The following CIB1 variants were observed in gnomAD, a reference collection of about 807,000 sequenced individuals.
The protein encoded by CIB1 is calcium and integrin-binding protein 1.
Under a neutral mutation model 25.0 loss-of-function variants are expected in CIB1, and 19 were observed. That is an observed-to-expected ratio of 0.76 (90% CI 0.53 to 1.12). CIB1 has a LOEUF of 1.12. CIB1 is among the 50% of genes most tolerant of loss of function. The pLI is 0.00. For synonymous variants in CIB1, 104 were observed against 98.5 expected (o/e 1.06, Z -0.33); for missense variants, 236 against 242.6 (o/e 0.97, Z 0.18).
At chr15:90,251,301 T>G in the CIB1 span, among the ~76,000 whole-genome samples, 1 of 146,026 alleles carries the variant, frequency 6.8e-6, no homozygotes, top group African/African-American at 2.5e-5. Context: ...TTTTTTTGTA[T>G]TTTTAGTAGA....
At chr15:90,238,402 A>C (rs1962679862), upstream of CIB1, 1 of 152,216 alleles carries the variant, frequency 6.6e-6, no homozygotes, top group Non-Finnish European at 1.5e-5. Context: ...CATCTTGCAA[A>C]CTAAGCCTCA....
At chr15:90,236,211 T>A (rs1962634141), upstream of CIB1, 1 of 152,186 alleles carries the variant, frequency 6.6e-6, no homozygotes, top group African/African-American at 2.4e-5. Flanking sequence ...GCTAGTTTTG[T>A]ATTTTTAGTA....
chr15:90,230,447 C>A lies in CIB1; in HGVS notation c.*37G>T. On this transcript the variant is annotated 3_prime_UTR_variant, in exon 7 of 7. Coordinates refer to ENST00000328649, the MANE Select transcript of CIB1 (RefSeq NM_006384.4). ...GCCACAGCTCAGCAGTAGAAAGGTT[C>A]TTGGACAGGGTGCCAGGACACACGC... The A allele has an allele frequency of 1.3e-6, 2 of 1,551,116 alleles. No individual in the cohort carries two copies. The highest frequency in any genetic ancestry group is 2.0e-5 in the Admixed American group (1 of 51,004).
chr15:90,234,019 C>G (rs935565633), upstream of CIB1: 19 of 1,044,444 alleles, frequency 1.8e-5, no homozygotes, highest in Non-Finnish European at 2.2e-5. Flanking sequence ...GGCCCGCCCC[C>G]TCCTAAAAGC....
At chr15:90,237,882 G>A (rs1451625841), upstream of CIB1, among the ~76,000 whole-genome samples, 2 of 152,088 alleles carry the variant, frequency 1.3e-5, no homozygotes, top group African/African-American at 4.8e-5. Context: ...AGTCTGGGAG[G>A]CAGACATTGC....
chr15:90,265,734 T>C, the CIB1 span: 1 of 1,613,374 alleles, frequency 6.2e-7, no homozygotes, highest in Non-Finnish European at 8.5e-7. Flanking sequence ...CCTGAGTCTC[T>C]TGCTGGGCGG....
At chr15:90,234,450 G>C (rs897532100), upstream of CIB1, 5 of 152,324 alleles carry the variant, frequency 3.3e-5, no homozygotes, top group African/African-American at 9.6e-5. Flanking sequence ...TTATCATCAG[G>C]CAATCGCTGC....
chr15:90,230,832 T>A, intron 6 of CIB1, 102 bp downstream of exon 6: 1 of 1,079,864 alleles, frequency 9.3e-7, no homozygotes, highest in Non-Finnish European at 1.4e-6. Context: ...GGACTGGGGC[T>A]TTCTCTCACC....
chr15:90,252,312 C>T, the CIB1 span, among the ~76,000 whole-genome samples: 1 of 152,142 alleles, frequency 6.6e-6, no homozygotes, highest in Non-Finnish European at 1.5e-5. Flanking sequence ...GCTGGGATTA[C>T]AGGCATGAGC....
chr15:90,258,935 A>G, the CIB1 span: 4 of 1,614,176 alleles, frequency 2.5e-6, no homozygotes, highest in East Asian at 4.5e-5. Flanking sequence ...TAGGTGTGCT[A>G]GGTGTCTGGC....
upstream of CIB1, chr15:90,238,686 C>T (rs1962685218): frequency 6.6e-6 from 1 of 152,202 alleles, no homozygotes; most frequent in Non-Finnish European, 1.5e-5. Flanking sequence ...GCCCTGGACA[C>T]TTACCCACAC....
the CIB1 span, chr15:90,258,519 G>A: frequency 1.6e-6 from 1 of 614,312 alleles, no homozygotes; most frequent in Non-Finnish European, 2.9e-6. Context: ...TAAGTCTTTA[G>A]GGACACACTA....
the CIB1 span, among the ~76,000 whole-genome samples, chr15:90,256,872 G>A: frequency 1.3e-5 from 2 of 151,754 alleles, no homozygotes; most frequent in Non-Finnish European, 2.9e-5. Context: ...ATTTTTAGTA[G>A]AGACGGGGTT....
the CIB1 span, chr15:90,265,645 T>C: frequency 3.1e-6 from 5 of 1,589,576 alleles, no homozygotes; most frequent in Non-Finnish European, 4.3e-6. Context: ...CCCCTTCCAC[T>C]TCCGGTCTTA....
the CIB1 span, chr15:90,240,740 G>A: frequency 1.8e-6 from 1 of 569,294 alleles, no homozygotes; most frequent in African/African-American, 1.9e-5. Context: ...TTGAACCCAG[G>A]AGGCGGAGGT....
the CIB1 span, among the ~76,000 whole-genome samples, chr15:90,251,183 G>A: frequency 4.2e-5 from 6 of 143,154 alleles, no homozygotes; most frequent in South Asian, 9.0e-4. Context: ...GCGTGATCTC[G>A]GCTCACGGCA....
At chr15:90,235,888 C>CTT, upstream of CIB1, among the ~76,000 whole-genome samples, 1 of 151,924 alleles carries the variant, frequency 6.6e-6, no homozygotes, top group Non-Finnish European at 1.5e-5. Context: ...CTCTTAATAG[C>CTT]AGGCTCTTTC....
At chr15:90,265,706 C>T in the CIB1 span, 6 of 1,613,156 alleles carry the variant, frequency 3.7e-6, no homozygotes, top group Non-Finnish European at 5.1e-6. Context: ...GGCTGGTTTG[C>T]GTCGACATGG....
At chr15:90,241,067 T>C in the CIB1 span, 2 of 1,614,174 alleles carry the variant, frequency 1.2e-6, no homozygotes, top group Non-Finnish European at 1.7e-6. Context: ...TCCCAGATGC[T>C]CTGCCACAAT....
Sources: gnomAD v4.1 joint callset for allele counts (sites outside exome capture counted in the v4.1 genomes callset) on GRCh38, gnomAD v4.1.1 for gene constraint, MANE v1.5 for transcripts, NCBI Gene and HGNC (gene_info 2026-07-23, HGNC 2026-07-21) for gene names.